RUNX1: variants seen among roughly 807,000 people sequenced by gnomAD.
The protein encoded by RUNX1 is RUNX family transcription factor 1.
RUNX1 carries 19 observed loss-of-function variants against 42.8 expected under a neutral mutation model. That is an observed-to-expected ratio of 0.44 (90% CI 0.31 to 0.65). The LOEUF (loss-of-function observed/expected upper bound fraction) is 0.65. Among genes scored for constraint, RUNX1 ranks in the 30% least tolerant of loss-of-function variants. The pLI, the probability that RUNX1 is intolerant of heterozygous loss-of-function variation, is 0.07. For synonymous variants in RUNX1, 271 were observed against 289.4 expected, an observed-to-expected ratio of 0.94 and a Z score of 0.64; for missense variants, 528 against 672.0, an observed-to-expected ratio of 0.79 and a Z score of 2.37.
intron 2 of RUNX1, among the ~76,000 whole-genome samples, chr21:34,996,107 G>A (rs568459799): frequency 1.3e-5 from 2 of 152,274 alleles, no homozygotes; most frequent in South Asian, 4.1e-4. Context: ...ATAGCAGACT[G>A]TCAGACTTGG....
At chr21:34,873,131 A>C (rs1040427024) in intron 5 of RUNX1, among the ~76,000 whole-genome samples, 1 of 152,234 alleles carries the variant, frequency 6.6e-6, no homozygotes, top group African/African-American at 2.4e-5. Flanking sequence ...TCTATACAAT[A>C]GTTTCAAATA....
At chr21:34,970,932 T>C (rs1254526256) in intron 2 of RUNX1, among the ~76,000 whole-genome samples, 1 of 152,254 alleles carries the variant, frequency 6.6e-6, no homozygotes, top group Non-Finnish European at 1.5e-5. Context: ...TGGATTGCAG[T>C]AATGGCTCAA....
intron 2 of RUNX1, among the ~76,000 whole-genome samples, chr21:34,987,707 A>AGAGC (rs1453678081): frequency 6.6e-6 from 1 of 152,222 alleles, no homozygotes; most frequent in Non-Finnish European, 1.5e-5. Flanking sequence ...CCTAGCTAGG[A>AGAGC]GAGCACCAAA....
At chr21:34,850,478 C>G (rs917313040) in intron 6 of RUNX1, among the ~76,000 whole-genome samples, 1 of 152,218 alleles carries the variant, frequency 6.6e-6, no homozygotes, top group African/African-American at 2.4e-5. Flanking sequence ...ATTCCGACCC[C>G]AAGACACCTG....
intron 6 of RUNX1, among the ~76,000 whole-genome samples, chr21:34,841,860 A>G (rs2057241439): frequency 6.6e-6 from 1 of 152,206 alleles, no homozygotes; most frequent in Non-Finnish European, 1.5e-5. Context: ...GGTTTTCTCC[A>G]TAGCACATGT....
intron 2 of RUNX1, among the ~76,000 whole-genome samples, chr21:34,973,912 G>C (rs2058780736): frequency 6.6e-6 from 1 of 151,560 alleles, no homozygotes; most frequent in Non-Finnish European, 1.5e-5. Flanking sequence ...AATTGAGCTT[G>C]TTTTCATACT....
At chr21:34,994,517 C>T (rs7276127) in intron 2 of RUNX1, among the ~76,000 whole-genome samples, 16,052 of 151,946 alleles carry the variant, frequency 0.11, 2,811 homozygotes, top group African/African-American at 0.37. Flanking sequence ...ATCTCATGTA[C>T]CCCATACATG....
intron 2 of RUNX1, among the ~76,000 whole-genome samples, chr21:34,969,487 TGAAAA>T (rs2058744917): frequency 6.6e-6 from 1 of 151,868 alleles, no homozygotes; most frequent in Non-Finnish European, 1.5e-5. Context: ...CAAAAGGAAA[TGAAAA>T]GAACTTTATT....
chr21:34,849,253 CAT>C (rs575459936), intron 6 of RUNX1, among the ~76,000 whole-genome samples: 3 of 56,766 alleles, frequency 5.3e-5, no homozygotes, highest in African/African-American at 6.6e-5. Context: ...GCTTTGGGTA[CAT>C]ATATATATAT....
At chr21:34,922,089 G>A (rs761799888) in intron 2 of RUNX1, among the ~76,000 whole-genome samples, 4 of 152,086 alleles carry the variant, frequency 2.6e-5, no homozygotes, top group Non-Finnish European at 5.9e-5. Flanking sequence ...CTTGATGGCC[G>A]CCCAGCATGT....
chr21:34,792,117 CG>C lies in RUNX1; in HGVS notation c.*17del, dbSNP rs940347931. ...AAGGCGGCGGCCCGCGGGGCCCAGC[CG>C]GGCCAGGCCTGGCGCCTCAGTAGGG... On this transcript the variant is annotated 3_prime_UTR_variant, in exon 9 of 9. Transcript: ENST00000675419. The surrounding 1 kb of genome is among the most constrained non-coding windows in gnomAD (Gnocchi z 6.9). 5 of 1,367,990 alleles carry C rather than the reference CG, an allele frequency of 3.7e-6. No individual in the cohort carries two copies. In the African/African-American group the frequency reaches 7.7e-5, roughly 21 times the overall value. 84.7% of individuals were successfully genotyped at this position (1,367,990 alleles called of 1,614,324 possible).
Position 34,890,811 on chromosome 21 carries a change from G to A in RUNX1, c.97+2114C>T, listed in dbSNP as rs529122078. 3.6e-5 allele frequency among the ~76,000 whole-genome samples: 5 copies of A among 137,286 alleles called. No individual in the cohort carries two copies. In the East Asian group the frequency reaches 1.3e-3, roughly 35 times the overall value. The allele number at this position is 137,286 out of a possible 152,430, so 90.1% of individuals were successfully genotyped here. On this transcript the variant is annotated intron_variant, in intron 3 of 8. Transcript: ENST00000675419. ...GCGCGCCCGCCCGCCCGCAGGGGCC[G>A]CAGCGCCTTTGCCTGCGGGTTCGGA...
chr21:35,026,848 G>A (rs1391042176), intron 2 of RUNX1, among the ~76,000 whole-genome samples: 2 of 152,244 alleles, frequency 1.3e-5, no homozygotes, highest in South Asian at 2.1e-4. Context: ...GGTGCGCAGC[G>A]CGCCGCAGCG....
At chr21:35,006,157 T>A (rs977743547) in intron 2 of RUNX1, among the ~76,000 whole-genome samples, 3 of 152,148 alleles carry the variant, frequency 2.0e-5, no homozygotes, top group African/African-American at 7.2e-5. Flanking sequence ...AAGCGTTGCA[T>A]CCAGGTGCTG....
chr21:34,823,818 G>A (rs996046152), intron 7 of RUNX1, among the ~76,000 whole-genome samples: 15 of 152,140 alleles, frequency 9.9e-5, no homozygotes, highest in African/African-American at 3.1e-4. Flanking sequence ...GGTCAGAATC[G>A]CCATCTCCTC....
chr21:34,821,913 G>A (rs1181165060), intron 7 of RUNX1, among the ~76,000 whole-genome samples: 3 of 152,180 alleles, frequency 2.0e-5, no homozygotes, highest in Admixed American at 6.5e-5. Flanking sequence ...GTCATGCTTC[G>A]TAATTTGTGG....
intron 7 of RUNX1, among the ~76,000 whole-genome samples, chr21:34,827,432 A>C (rs1295849268): frequency 6.6e-6 from 1 of 152,236 alleles, no homozygotes; most frequent in East Asian, 1.9e-4. Flanking sequence ...GTGTATTTGG[A>C]AGAGAGTACT....
chr21:34,925,151 G>A (rs1482001462), intron 2 of RUNX1, among the ~76,000 whole-genome samples: 1 of 152,122 alleles, frequency 6.6e-6, no homozygotes, highest in African/African-American at 2.4e-5. Flanking sequence ...CCCAAACTAT[G>A]TTATCCTTTA....
intron 2 of RUNX1, among the ~76,000 whole-genome samples, chr21:35,005,488 T>A (rs1250007546): frequency 6.6e-6 from 1 of 152,172 alleles, no homozygotes; most frequent in African/African-American, 2.4e-5. Context: ...AACCTTCATA[T>A]TACAGCTTCT....
Sources: gnomAD v4.1 joint callset for allele counts (sites outside exome capture counted in the v4.1 genomes callset) on GRCh38, gnomAD v4.1.1 for gene constraint, Gnocchi (gnomAD v3.1) non-coding constraint, MANE v1.5 for transcripts, NCBI Gene and HGNC (gene_info 2026-07-23, HGNC 2026-07-21) for gene names.